KAT7: variants seen among roughly 807,000 people sequenced by gnomAD.
KAT7 encodes the protein lysine acetyltransferase 7, also known as histone acetyltransferase KAT7.
In KAT7, 10 loss-of-function variants were observed where a neutral mutation model predicts 82.1. The ratio of observed to expected loss-of-function variants is 0.12; its 90% confidence interval spans 0.08 to 0.21. The LOEUF is 0.21. Ranked by LOEUF, KAT7 falls within the 10% of genes least tolerant of loss-of-function variation. KAT7 has a pLI of 1.00. For synonymous variants in KAT7, 250 were observed against 262.5 expected, an observed-to-expected ratio of 0.95 and a Z score of 0.46; for missense variants, 378 against 760.9, an observed-to-expected ratio of 0.50 and a Z score of 5.92.
rs900994251 is a variant in KAT7, at chr17:49,798,376, C to T, written c.398C>T (p.Ala133Val). ...CCGCCTCGAACTCCAACTGGAAATG[C>T]GCCTTCTTCTGAGTCTGACATAGAC... ...ESPPRTPTGN[A>V]PSSESDIDIS... Residue 133 changes from alanine (A) to valine (V), a missense_variant, in exon 4 of 15, where the codon GCG becomes GTG. Around this residue, in one of 6 missense-constraint regions of KAT7, gnomAD observed 161 missense variants for 229.6 expected, o/e 0.70. Transcript: ENST00000259021. The T allele has an allele frequency of 3.1e-6, 5 of 1,614,098 alleles. No individual in the cohort carries two copies. Among genetic ancestry groups the T allele is most frequent in the Non-Finnish European group, 4.2e-6 (5 of 1,179,944 alleles).
At chr17:49,789,861 C>T (rs954289331) in intron 1 of KAT7, 1 of 152,018 alleles carries the variant, frequency 6.6e-6, no homozygotes, top group African/African-American at 2.4e-5. Flanking sequence ...TAAGTCTGCC[C>T]TGGAGTACAA....
chr17:49,818,092 T>A lies in KAT7; in HGVS notation c.1155+81T>A. 2.7e-6 allele frequency: 3 copies of A among 1,110,110 alleles called. No homozygotes were observed. The East Asian group carries it at 7.2e-5, about 27-fold the overall frequency. 68.8% of individuals were successfully genotyped at this position (1,110,110 alleles called of 1,614,324 possible). ...TCTAGATTTTGCCATAGCGATGGCA[T>A]CTGTTCAGGCACCTTCTCAGTGGTC... On this transcript the variant is annotated intron_variant, in intron 9 of 14. Coordinates refer to ENST00000259021, the MANE Select transcript of KAT7 (RefSeq NM_007067.5).
At chr17:49,817,721 C>A in intron 8 of KAT7, 99 bp from the exon 9 acceptor site, 1 of 914,588 alleles carries the variant, frequency 1.1e-6, no homozygotes, top group Non-Finnish European at 1.7e-6. Flanking sequence ...CCTGCCTCAG[C>A]CTCCCAAAGT....
chr17:49,803,575 C>T (rs1025910022), intron 4 of KAT7, among the ~76,000 whole-genome samples: 3 of 152,034 alleles, frequency 2.0e-5, no homozygotes, highest in African/African-American at 7.3e-5. Flanking sequence ...CAGGCACCCG[C>T]CACCACACCC....
chr17:49,791,872 C>G lies in KAT7; in HGVS notation c.16-14C>G. The G allele has an allele frequency of 1.9e-6, 3 of 1,613,012 alleles. No individual in the cohort carries two copies. The highest frequency in any genetic ancestry group is 2.5e-6 in the Non-Finnish European group (3 of 1,179,038). On this transcript the variant is annotated splice_polypyrimidine_tract_variant and intron_variant, in intron 1 of 14. Transcript: ENST00000259021. ...AATGCTTCTGTGCTAATATCTGGAT[C>G]TATGGTATTACAGAGGAATGCAGGC...
intron 3 of KAT7, among the ~76,000 whole-genome samples, chr17:49,797,968 A>G (rs1488279703): frequency 2.0e-5 from 3 of 152,218 alleles, no homozygotes; most frequent in Non-Finnish European, 4.4e-5. Flanking sequence ...AAAGATAATC[A>G]CTGTCACTTA....
At chr17:49,819,669 A>G (rs1346040071) in intron 9 of KAT7, among the ~76,000 whole-genome samples, 3 of 152,248 alleles carry the variant, frequency 2.0e-5, no homozygotes, top group Non-Finnish European at 4.4e-5. Context: ...ATTTCAGGAA[A>G]TACCTAATTT....
Position 49,820,037 on chromosome 17 carries a change from T to C in KAT7, c.1156-1300T>C, listed in dbSNP as rs1239905619. Among the ~76,000 whole-genome samples the C allele has an allele frequency of 2.6e-5, 4 of 152,190 alleles. No homozygotes were observed. In the East Asian group the frequency reaches 7.7e-4, roughly 29 times the overall value. ...TGGGAGGCTGAAGTGGGAGGATTGC[T>C]TGAGGCCAGGAATTTGAGACCAGCC... On this transcript the variant is annotated intron_variant, in intron 9 of 14. Transcript: ENST00000259021.
At chr17:49,826,560 T>C in intron 13 of KAT7, 133 bp from the exon 14 acceptor site, 2 of 668,606 alleles carry the variant, frequency 3.0e-6, no homozygotes, top group South Asian at 1.7e-5. Context: ...GTAAACTCCT[T>C]CTAAACAGAT....
chr17:49,788,822 G>C lies in KAT7; in HGVS notation c.-13G>C. ...CTGCCCGAATCGGAACCGTCGGGCC[G>C]CAGCCGCCGGCAATGCCGCGAAGGA... is the stretch of plus-strand genomic sequence containing the variant. On this transcript the variant is annotated 5_prime_UTR_variant, in exon 1 of 15. Coordinates refer to ENST00000259021, the MANE Select transcript of KAT7 (RefSeq NM_007067.5). 1.3e-6 allele frequency: 2 copies of C among 1,581,678 alleles called. No individual in the cohort carries two copies. The highest frequency in any genetic ancestry group is 1.8e-5 in the Admixed American group (1 of 55,362).
Position 49,817,815 on chromosome 17 carries a change from A to G in KAT7, c.964-5A>G. The G allele has an allele frequency of 6.2e-7, 1 of 1,610,466 alleles. No homozygotes were observed. Among genetic ancestry groups the G allele is most frequent in the South Asian group, 1.1e-5 (1 of 90,964 alleles). ...CTCCTTTGACTTTTGATTTCTTGGC[A>G]ATAGGAGAAGTTAAGGCTGCAAGGC... is the stretch of plus-strand genomic sequence containing the variant. On this transcript the variant is annotated splice_polypyrimidine_tract_variant and splice_region_variant and intron_variant, in intron 8 of 14. Coordinates refer to ENST00000259021, the MANE Select transcript of KAT7 (RefSeq NM_007067.5).
intron 14 of KAT7, chr17:49,827,084 T>C (rs2074377183): frequency 2.3e-6 from 1 of 443,852 alleles, no homozygotes; most frequent in Non-Finnish European, 4.0e-6. Flanking sequence ...TTTTCTTAGG[T>C]GGGAGGAAAT....
chr17:49,800,476 T>G (rs988113855), intron 4 of KAT7, among the ~76,000 whole-genome samples: 5 of 152,206 alleles, frequency 3.3e-5, no homozygotes, highest in Admixed American at 2.0e-4. Context: ...GACAATATAT[T>G]ACACTAGTAG....
At chr17:49,803,633 C>T (rs1381823611) in intron 4 of KAT7, among the ~76,000 whole-genome samples, 1 of 151,132 alleles carries the variant, frequency 6.6e-6, no homozygotes, top group Non-Finnish European at 1.5e-5. Flanking sequence ...ACCGTGTTAG[C>T]CAGAATGGTC....
At chr17:49,817,245 GA>G (rs1005261606) in intron 8 of KAT7, among the ~76,000 whole-genome samples, 13 of 152,296 alleles carry the variant, frequency 8.5e-5, no homozygotes, top group Admixed American at 7.8e-4. Context: ...TGATAAAAAT[GA>G]AGTTTCCAAG....
intron 4 of KAT7, among the ~76,000 whole-genome samples, chr17:49,802,220 T>A (rs934905184): frequency 1.4e-4 from 21 of 152,240 alleles, no homozygotes; most frequent in Admixed American, 1.3e-3. Flanking sequence ...GCCTTGTATG[T>A]ACATATTTTG....
rs1321720535 is a variant in KAT7, at chr17:49,828,690, G to C, written c.*1188G>C. 6.5e-6 allele frequency: 1 copy of C among 152,722 alleles called. No individual in the cohort carries two copies. Among genetic ancestry groups the C allele is most frequent in the Non-Finnish European group, 1.5e-5 (1 of 68,034 alleles). The allele number at this position is 152,722 out of a possible 1,614,324, so 9.5% of individuals were successfully genotyped here. On this transcript the variant is annotated 3_prime_UTR_variant, in exon 15 of 15. Transcript: ENST00000259021. ...GTCTTCTATTTTTGGTGTTGTTCAA[G>C]TGAAGGAAGAGATGTTCCCTCTAAT...
chr17:49,815,932 A>G lies in KAT7; in HGVS notation c.963+19A>G. On this transcript the variant is annotated intron_variant, in intron 8 of 14. Transcript: ENST00000259021. ...GGATTTGGTGAGTATTAAAACCTCCAAACTGAAGGCCGCTTGTGAAAGGTG... is the reference window on the plus strand; with the variant it reads ...GGATTTGGTGAGTATTAAAACCTCCGAACTGAAGGCCGCTTGTGAAAGGTG... 6.9e-7 allele frequency: 1 copy of G among 1,459,702 alleles called. No homozygotes were observed. The highest frequency in any genetic ancestry group is 1.1e-5 in the South Asian group (1 of 87,722). 90.4% of individuals were successfully genotyped at this position (1,459,702 alleles called of 1,614,324 possible). A position where few individuals can be genotyped will look rare whatever the true frequency, so the allele number is the denominator to read the frequency against.
chr17:49,818,091 A>C, intron 9 of KAT7, 80 bp downstream of exon 9: 1 of 1,153,566 alleles, frequency 8.7e-7, no homozygotes, highest in Non-Finnish European at 1.3e-6. Context: ...TAGCGATGGC[A>C]TCTGTTCAGG....
Sources: gnomAD v4.1 joint callset for allele counts (sites outside exome capture counted in the v4.1 genomes callset) on GRCh38, gnomAD v4.1.1 for gene constraint, gnomAD v4.1.1 regional missense constraint, MANE v1.5 for transcripts, NCBI Gene and HGNC (gene_info 2026-07-23, HGNC 2026-07-21) for gene names.